YBX2: variants seen among roughly 807,000 people sequenced by gnomAD.
YBX2 encodes the protein Y-box-binding protein 2.
In YBX2, 5 loss-of-function variants were observed where a neutral mutation model predicts 44.4. The observed-to-expected ratio is 0.11, with a 90% CI of 0.06 to 0.24. The LOEUF is 0.24. Among genes scored for constraint, YBX2 ranks in the 10% least tolerant of loss-of-function variants. YBX2 has a pLI of 1.00. For synonymous variants in YBX2, 188 were observed against 216.1 expected, an observed-to-expected ratio of 0.87 and a Z score of 1.14; for missense variants, 417 against 526.9, an observed-to-expected ratio of 0.79 and a Z score of 2.04.
In YBX2 at chr17:7,294,219, C is replaced by T. The variant is rs2072522296; in HGVS notation, c.271+11G>A. The T allele has an allele frequency of 3.2e-6, 4 of 1,264,946 alleles. No individual in the cohort carries two copies. Among genetic ancestry groups the T allele is most frequent in the Middle Eastern group, 3.0e-4 (1 of 3,308 alleles). The allele number at this position is 1,264,946 out of a possible 1,614,324, so 78.4% of individuals were successfully genotyped here. On this transcript the variant is annotated intron_variant, in intron 1 of 8. Coordinates refer to ENST00000007699, the MANE Select transcript of YBX2 (RefSeq NM_015982.4). The surrounding 1 kb of genome is among the most constrained non-coding windows in gnomAD (Gnocchi z 4.6). ...CCCCTCAGAGCCGCCCTGTGCGCGC[C>T]TGCCCCTCACCCAGCACCGGCTTGT...
At chr17:7,289,873 C>T (rs3744404) in intron 6 of YBX2, 95 bp downstream of exon 6, 50,180 of 1,586,334 alleles carry the variant, frequency 0.032, 2,745 homozygotes, top group East Asian at 0.29. Context: ...GGAGCCCAGG[C>T]TCTGCCTAGA....
chr17:7,289,999 G>A lies in YBX2; in HGVS notation c.817C>T (p.Pro273Ser), dbSNP rs150301908. The A allele has an allele frequency of 1.4e-5, 23 of 1,614,228 alleles. No homozygotes were observed. The highest frequency in any genetic ancestry group is 1.8e-5 in the Non-Finnish European group (21 of 1,180,032). Residue 273 changes from proline (P) to serine (S), a missense_variant, in exon 6 of 9, where the codon CCC (proline) becomes TCC (serine). This residue lies in a region of YBX2 where 257 missense variants were observed against 261.7 expected (regional missense o/e 0.98). Transcript: ENST00000007699. The part of the protein sequence containing the change: ...GHQQQGDERV[P>S]PPRFRPRYRR... ...TACCTGGGCCGGAATCTGGGCGGGG[G>A]GACTCGCTCATCTCCCTGCTGTTGG...
chr17:7,290,334 G>C lies in YBX2; in HGVS notation c.661C>G (p.Arg221Gly). 1 of 1,613,804 alleles carries C rather than the reference G, an allele frequency of 6.2e-7. No individual in the cohort carries two copies. The highest frequency in any genetic ancestry group is 8.5e-7 in the Non-Finnish European group (1 of 1,179,972). ...ERAEDSGQRP[R>G]RWCPPPFFYR... is the part of the protein sequence containing the mutation. ...AAGAAGGGTGGGGGGCACCATCGTC[G>C]GGGCCGTTGCCCAGAGTCTTCAGCC... The change falls in exon 5 of 9, where the codon CGA (arginine) becomes GGA (glycine). Residue 221 changes from arginine to glycine, a missense_variant. Coordinates refer to ENST00000007699, the MANE Select transcript of YBX2 (RefSeq NM_015982.4).
In YBX2 at chr17:7,292,057, T is replaced by C. The variant is rs1045228817; in HGVS notation, c.338A>G (p.Asn113Ser). 1.2e-6 allele frequency: 2 copies of C among 1,614,018 alleles called. No homozygotes were observed. The highest frequency in any genetic ancestry group is 2.7e-5 in the African/African-American group (2 of 74,910). ...AACAAAGACATCTTCCTTGGTGTCA[T>C]TCCTGCAGAACAGGATGGGTCGTTA... is the stretch of plus-strand genomic sequence containing the variant. ...VRNGYGFINR[N>S]DTKEDVFVHQ... Residue 113 changes from asparagine to serine, a missense_variant and splice_region_variant, in exon 3 of 9, where the codon AAT becomes AGT. Physicochemically the swap from Asn to Ser is conservative, Grantham distance 46. Transcript: ENST00000007699.
chr17:7,290,521 A>C lies in YBX2; in HGVS notation c.474T>G (p.Thr158=). The change falls in exon 5 of 9, where the codon ACT becomes ACG. Residue 158 remains threonine (T), a synonymous_variant. Transcript: ENST00000007699. ...VVEGEKGAEA[T]NVTGPGGVPV... is the part of the protein sequence containing the mutation. The stretch of plus-strand genomic sequence containing the variant: ...GTACTCCCCCAGGCCCAGTTACATT[A>C]GTGGCTTCTGCGCCCTGGGAAGGTG... The C allele has an allele frequency of 6.2e-7, 1 of 1,611,964 alleles. No individual in the cohort carries two copies. Among genetic ancestry groups the C allele is most frequent in the Non-Finnish European group, 8.5e-7 (1 of 1,178,626 alleles).
chr17:7,291,509 G>A lies in YBX2; in HGVS notation c.370-327C>T. On this transcript the variant is annotated intron_variant, in intron 3 of 8. Coordinates refer to ENST00000007699, the MANE Select transcript of YBX2 (RefSeq NM_015982.4). The surrounding 1 kb of genome is among the most constrained non-coding windows in gnomAD (Gnocchi z 5.8). ...GGGACAGCCTTCAGTCGCAAAGTGG[G>A]TAGAATGCACTGTGCTTCTTACCTC... is the stretch of plus-strand genomic sequence containing the variant. 1 of 427,742 alleles carries A rather than the reference G, an allele frequency of 2.3e-6. No homozygotes were observed. The highest frequency in any genetic ancestry group is 2.1e-5 in the South Asian group (1 of 47,766). The allele number at this position is 427,742 out of a possible 1,614,324, so 26.5% of individuals were successfully genotyped here.
In YBX2 at chr17:7,291,188, T is replaced by G; in HGVS notation, c.370-6A>C. ...TTGTTTCTTTTAATAGCTGTCTGAT[T>G]GGGGAAAAGGCCATGTGAAAAGTGA... On this transcript the variant is annotated splice_polypyrimidine_tract_variant and splice_region_variant and intron_variant, in intron 3 of 8. Coordinates refer to ENST00000007699, the MANE Select transcript of YBX2 (RefSeq NM_015982.4). The surrounding 1 kb of genome is among the most constrained non-coding windows in gnomAD (Gnocchi z 5.8). 1 of 1,614,016 alleles carries G rather than the reference T, an allele frequency of 6.2e-7. No individual in the cohort carries two copies. The highest frequency in any genetic ancestry group is 8.5e-7 in the Non-Finnish European group (1 of 1,179,948).
At position 7,294,009 on chromosome 17, in the gene YBX2, A is replaced by G. The variant is rs2072520502; in HGVS notation, c.271+221T>C. 5.8e-6 allele frequency: 3 copies of G among 518,392 alleles called. No individual in the cohort carries two copies. The highest frequency in any genetic ancestry group is 4.0e-5 in the Admixed American group (1 of 24,810). The allele number at this position is 518,392 out of a possible 1,614,324, so 32.1% of individuals were successfully genotyped here. ...CCCTGGGGCTTTATTCTCCACCCCA[A>G]GACCTTAGCTGAACCTGCCGGCCCC... On this transcript the variant is annotated intron_variant, in intron 1 of 8. Transcript: ENST00000007699. This position sits in a 1 kb window ranked among gnomAD's most constrained non-coding sequence, Gnocchi z 4.6.
intron 7 of YBX2, among the ~76,000 whole-genome samples, 179 bp downstream of exon 7, chr17:7,289,351 T>G (rs2072479784): frequency 7.5e-6 from 1 of 133,058 alleles, no homozygotes; most frequent in African/African-American, 2.7e-5. Flanking sequence ...TGTGGGGGCT[T>G]CCTGGTGGGA....
intron 8 of YBX2, 39 bp from the exon 9 acceptor site, chr17:7,288,682 GC>G: frequency 7.5e-7 from 1 of 1,339,692 alleles, no homozygotes; most frequent in South Asian, 1.2e-5. Flanking sequence ...GTGAACAACA[GC>G]GACTTGTCAT....
intron 1 of YBX2, 39 bp from the exon 2 acceptor site, chr17:7,293,577 G>C: frequency 6.2e-7 from 1 of 1,613,922 alleles, no homozygotes; most frequent in Non-Finnish European, 8.5e-7. Flanking sequence ...TGAGATGGGG[G>C]GAAGAGATGG....
intron 7 of YBX2, 99 bp downstream of exon 7, chr17:7,289,431 A>C (rs1597602779): frequency 2.7e-6 from 4 of 1,503,090 alleles, no homozygotes; most frequent in Admixed American, 2.1e-5. Context: ...AGGGCAGGGG[A>C]GGGGAGGAGC....
intron 2 of YBX2, chr17:7,292,398 G>C: frequency 2.9e-6 from 1 of 343,604 alleles, no homozygotes; most frequent in Middle Eastern, 9.5e-4. Context: ...CCAGCGCTGG[G>C]TGCAACTGTC....
chr17:7,294,552 C>G lies in YBX2; in HGVS notation c.-52G>C. On this transcript the variant is annotated 5_prime_UTR_variant, in exon 1 of 9. Transcript: ENST00000007699. The surrounding 1 kb of genome is among the most constrained non-coding windows in gnomAD (Gnocchi z 4.6). ...CCGCCACCGCCCCGGCCCCTCCCCC[C>G]GGCTCGCGAACCCACCGCCCTGCTC... 2 of 1,399,932 alleles carry G rather than the reference C, an allele frequency of 1.4e-6. No individual in the cohort carries two copies. Among genetic ancestry groups the G allele is most frequent in the Non-Finnish European group, 1.9e-6 (2 of 1,074,998 alleles). The allele number at this position is 1,399,932 out of a possible 1,614,324, so 86.7% of individuals were successfully genotyped here. A position where few individuals can be genotyped will look rare whatever the true frequency, so the allele number is the denominator to read the frequency against.
chr17:7,288,697 CACCCAGT>C (rs1307701487), intron 8 of YBX2, 45 bp downstream of exon 8: 9 of 1,473,114 alleles, frequency 6.1e-6, no homozygotes, highest in Non-Finnish European at 8.5e-6. Flanking sequence ...TTGTCATCGC[CACCCAGT>C]ACCTCACCTT....
chr17:7,291,439 T>C lies in YBX2; in HGVS notation c.370-257A>G. On this transcript the variant is annotated intron_variant, in intron 3 of 8. Coordinates refer to ENST00000007699, the MANE Select transcript of YBX2 (RefSeq NM_015982.4). The surrounding 1 kb of genome is among the most constrained non-coding windows in gnomAD (Gnocchi z 5.8). ...CCCGCCCCGCTTTACCCCTCAGGGATTTCAGAAAGGGAGGCAAGAAATATG... is the reference window on the plus strand; with the variant it reads ...CCCGCCCCGCTTTACCCCTCAGGGACTTCAGAAAGGGAGGCAAGAAATATG... 7 of 532,652 alleles carry C rather than the reference T, an allele frequency of 1.3e-5. No individual in the cohort carries two copies. In the South Asian group the frequency reaches 1.4e-4, roughly 11 times the overall value. 33.0% of individuals were successfully genotyped at this position (532,652 alleles called of 1,614,324 possible).
At chr17:7,289,250 C>T (rs1173480669) in intron 7 of YBX2, among the ~76,000 whole-genome samples, 2 of 150,160 alleles carry the variant, frequency 1.3e-5, no homozygotes, top group East Asian at 3.9e-4. Flanking sequence ...CAGTTCACAT[C>T]TACAAGCTGG....
intron 2 of YBX2, 152 bp downstream of exon 2, chr17:7,293,323 A>T: frequency 2.1e-6 from 3 of 1,397,660 alleles, no homozygotes; most frequent in South Asian, 2.5e-5. Flanking sequence ...CGAAGCACAC[A>T]TTTGTGCTGC....
intron 5 of YBX2, 73 bp downstream of exon 5, chr17:7,290,178 A>T (rs1290829594): frequency 2.2e-5 from 36 of 1,611,636 alleles, no homozygotes; most frequent in Non-Finnish European, 2.9e-5. Context: ...TTGGGGACCC[A>T]TGGTCTCTAT....
Sources: gnomAD v4.1 joint callset for allele counts (sites outside exome capture counted in the v4.1 genomes callset) on GRCh38, gnomAD v4.1.1 for gene constraint, gnomAD v4.1.1 regional missense constraint, Gnocchi (gnomAD v3.1) non-coding constraint, MANE v1.5 for transcripts, NCBI Gene and HGNC (gene_info 2026-07-23, HGNC 2026-07-21) for gene names.